The following NEBL variants were observed in gnomAD, a reference collection of about 807,000 sequenced individuals.
NEBL encodes nebulette.
A neutral mutation model predicts 140.2 loss-of-function variants in NEBL; 122 were observed. The ratio of observed to expected loss-of-function variants is 0.87; its 90% CI spans 0.75 to 1.01. The LOEUF (loss-of-function observed/expected upper bound fraction) is 1.01. Ranked by LOEUF, NEBL falls within the 50% of genes least tolerant of loss-of-function variation. NEBL has a pLI of 0.00. For missense variants in NEBL, 1,365 were observed against 1,231.3 expected (o/e 1.11, Z -1.62); for synonymous variants, 436 against 398.9 (o/e 1.09, Z -1.11).
At chr10:20,835,423 G>A in intron 14 of NEBL, 90 bp downstream of exon 14, 2 of 973,330 alleles carry the variant, frequency 2.1e-6, no homozygotes, top group Non-Finnish European at 3.3e-6. Flanking sequence ...GCAATGCTTT[G>A]AGAAATTCCA....
chr10:20,817,407 G>A (rs1436589519), intron 21 of NEBL, among the ~76,000 whole-genome samples, 193 bp downstream of exon 21: 13 of 152,010 alleles, frequency 8.6e-5, no homozygotes, highest in African/African-American at 3.1e-4. Context: ...TGAGTCACTG[G>A]GAACCCTGAG....
chr10:20,921,564 C>A (rs1347995820), intron 4 of NEBL, among the ~76,000 whole-genome samples: 1 of 152,216 alleles, frequency 6.6e-6, no homozygotes, highest in Non-Finnish European at 1.5e-5. Flanking sequence ...TTCCAGTTCT[C>A]CATGGGCTTC....
At chr10:21,282,362 G>C (rs1843004094) in intron 1 of NEBL, among the ~76,000 whole-genome samples, 1 of 152,130 alleles carries the variant, frequency 6.6e-6, no homozygotes, top group Non-Finnish European at 1.5e-5. Flanking sequence ...CCTAAGGAAA[G>C]GTGCAAACAA....
At chr10:21,195,962 T>C (rs1257518860) in intron 3 of NEBL, among the ~76,000 whole-genome samples, 1 of 152,192 alleles carries the variant, frequency 6.6e-6, no homozygotes, top group Non-Finnish European at 1.5e-5. Context: ...GAGTTTTGTT[T>C]GTTTGTGTCA....
chr10:20,854,096 A>C (rs1472045637), intron 9 of NEBL, among the ~76,000 whole-genome samples: 1 of 152,204 alleles, frequency 6.6e-6, no homozygotes, highest in Non-Finnish European at 1.5e-5. Flanking sequence ...GAGATTGGAC[A>C]CTTTGTTATT....
At chr10:20,819,103 G>T in intron 20 of NEBL, 1 of 1,008,770 alleles carries the variant, frequency 9.9e-7, no homozygotes, top group Non-Finnish European at 1.3e-6. Context: ...TACATGTGCA[G>T]GTTTGTTACA....
At chr10:21,071,821 A>AT (rs1835829632) in intron 2 of NEBL, among the ~76,000 whole-genome samples, 1 of 151,650 alleles carries the variant, frequency 6.6e-6, no homozygotes, top group African/African-American at 2.4e-5. Flanking sequence ...TTTGTTTTTG[A>AT]TTTTGTCTTT....
chr10:21,253,666 C>T (rs1842618016), intron 1 of NEBL, among the ~76,000 whole-genome samples: 1 of 151,802 alleles, frequency 6.6e-6, no homozygotes, highest in East Asian at 1.9e-4. Context: ...GCCTCAGCCT[C>T]CCGAGTAGCT....
intron 2 of NEBL, among the ~76,000 whole-genome samples, chr10:21,055,080 A>C (rs1039500026): frequency 6.6e-6 from 1 of 152,214 alleles, no homozygotes; most frequent in African/African-American, 2.4e-5. Flanking sequence ...ACCATAGTTC[A>C]TTATATCTGG....
At chr10:21,278,890 C>T (rs1440094178) in intron 1 of NEBL, among the ~76,000 whole-genome samples, 3 of 152,104 alleles carry the variant, frequency 2.0e-5, no homozygotes, top group South Asian at 4.1e-4. Flanking sequence ...TCAAATCCAA[C>T]GTTGCCTCCA....
chr10:21,178,070 T>A (rs74891590), upstream of NEBL, among the ~76,000 whole-genome samples: 1,038 of 152,330 alleles, frequency 6.8e-3, 5 homozygotes, highest in South Asian at 0.023. Flanking sequence ...CAATTTTAGC[T>A]CACAGTTTCA....
Position 20,808,543 on chromosome 10 carries a change from A to G in NEBL, c.2728T>C (p.Cys910Arg). ...TCAGACGGTCTTGTTACCTCACTGCAGCATGAAAAGCTAGGGTAAATCTCG... is the reference window on the plus strand; with the variant it reads ...TCAGACGGTCTTGTTACCTCACTGCGGCATGAAAAGCTAGGGTAAATCTCG... ...ISEIYPSFSC[C>R]SEVTRPSDEG... Residue 910 changes from cysteine (C) to arginine (R), a missense_variant, in exon 26 of 28, where the codon TGC becomes CGC. This residue lies in a region of NEBL where 1,323 missense variants were observed against 1,154.8 expected (regional missense o/e 1.15). Coordinates refer to ENST00000377122, the MANE Select transcript of NEBL (RefSeq NM_006393.3). 2 of 1,614,038 alleles carry G rather than the reference A, an allele frequency of 1.2e-6. No homozygotes were observed. The highest frequency in any genetic ancestry group is 1.1e-5 in the South Asian group (1 of 91,088).
intron 1 of NEBL, among the ~76,000 whole-genome samples, chr10:21,253,891 AT>A (rs1842621638): frequency 6.6e-6 from 1 of 152,096 alleles, no homozygotes; most frequent in Non-Finnish European, 1.5e-5. Flanking sequence ...CTTGGAAGTC[AT>A]TGTCAATGAG....
At chr10:20,888,303 C>A in intron 3 of NEBL, 96 bp from the exon 4 acceptor site, 1 of 775,086 alleles carries the variant, frequency 1.3e-6, no homozygotes, top group Non-Finnish European at 2.1e-6. Flanking sequence ...TCTCCCAAAA[C>A]AGAATTGATT....
Position 20,869,836 on chromosome 10 carries a change from A to T in NEBL, c.486T>A (p.Ser162=). 2 of 1,606,012 alleles carry T rather than the reference A, an allele frequency of 1.2e-6. No homozygotes were observed. Among genetic ancestry groups the T allele is most frequent in the Non-Finnish European group, 1.7e-6 (2 of 1,172,726 alleles). The change falls in exon 6 of 28, where the codon TCT becomes TCA. Residue 162 remains serine, a synonymous_variant. Transcript: ENST00000377122. ...GGGTGTCCTGCACGTCTTTCCTATA[A>T]GAAATCTGATCAGAGACAGTTTTGG... ...MEVNKHQSNI[S]YRKDVQDTHT...
At chr10:21,220,894 G>T (rs1390353355) in intron 3 of NEBL, among the ~76,000 whole-genome samples, 1 of 152,220 alleles carries the variant, frequency 6.6e-6, no homozygotes. Context: ...GGCGGCTCAT[G>T]CCAGTAATCC....
intron 4 of NEBL, among the ~76,000 whole-genome samples, chr10:20,954,751 C>G (rs973427517): frequency 2.0e-5 from 3 of 152,190 alleles, no homozygotes; most frequent in African/African-American, 7.2e-5. Flanking sequence ...GCACAAACTT[C>G]CCAAGGCTCT....
rs1271826109 is a variant in NEBL, at chr10:21,169,058, AAAAAAAAAAATATATATATATAT to A, written c.164+3302_164+3324del. Among the ~76,000 whole-genome samples, 447 of 56,790 alleles carry A rather than the reference AAAAAAAAAAATATATATATATAT, an allele frequency of 7.9e-3. 18 individuals are homozygous for A. Among genetic ancestry groups the A allele is most frequent in the African/African-American group, 0.026 (421 of 16,052 alleles). The allele number at this position is 56,790 out of a possible 152,430, so 37.3% of individuals were successfully genotyped here. On this transcript the variant is annotated intron_variant, in intron 2 of 6. Transcript: ENST00000417816. ...AGTGAGACTCCGTCTACAAAAAAAA[AAAAAAAAAAATATATATATATAT>A]ATATATATATATATATATATATATA...
intron 2 of NEBL, chr10:21,172,286 G>T: frequency 2.1e-6 from 2 of 941,482 alleles, no homozygotes; most frequent in African/African-American, 1.6e-5. Context: ...GCCACACCTG[G>T]GTGACACAGT....
Sources: gnomAD v4.1 joint callset for allele counts (sites outside exome capture counted in the v4.1 genomes callset) on GRCh38, gnomAD v4.1.1 for gene constraint, gnomAD v4.1.1 regional missense constraint, MANE v1.5 for transcripts, NCBI Gene and HGNC (gene_info 2026-07-23, HGNC 2026-07-21) for gene names.